EYS: variants seen among roughly 807,000 people sequenced by gnomAD.
EYS encodes EGF-like photoreceptor maintenance factor.
Under a neutral mutation model 282.1 loss-of-function variants are expected in EYS, and 250 were observed. The observed-to-expected ratio is 0.89, with a 90% CI of 0.80 to 0.98. EYS has a LOEUF of 0.98. EYS is among the 50% of genes least tolerant of loss of function. EYS has a pLI of 0.00. For synonymous variants in EYS, 1,355 were observed against 1,282.9 expected, an observed-to-expected ratio of 1.06 and a Z score of -1.20; for missense variants, 4,016 against 3,709.0, an observed-to-expected ratio of 1.08 and a Z score of -2.15.
At chr6:64,595,527 T>C (rs1766558007) in intron 24 of EYS, among the ~76,000 whole-genome samples, 1 of 152,140 alleles carries the variant, frequency 6.6e-6, no homozygotes, top group African/African-American at 2.4e-5. Context: ...TAATCTTATA[T>C]ATAGAAAAAC....
In EYS at chr6:65,703,206, C is replaced by A. The variant is rs570219852; in HGVS notation, c.-448+3929G>T. Among the ~76,000 whole-genome samples, 327 of 152,176 alleles carry A rather than the reference C, an allele frequency of 2.1e-3. 1 individual carries two copies. The highest frequency in any genetic ancestry group is 7.1e-3 in the African/African-American group (293 of 41,512). On this transcript the variant is annotated intron_variant, in intron 1 of 42. Coordinates refer to ENST00000503581, the MANE Select transcript of EYS (RefSeq NM_001142800.2). Reference sequence around the variant, plus strand: ...CTCTGTCTCTCCTCTATCTCTCTCTCTCTATATATATACTGTTACTCTCTC... The same window carrying A: ...CTCTGTCTCTCCTCTATCTCTCTCTATCTATATATATACTGTTACTCTCTC...
chr6:64,686,066 CAA>C (rs2149908747), intron 22 of EYS, among the ~76,000 whole-genome samples: 1 of 148,782 alleles, frequency 6.7e-6, no homozygotes, highest in South Asian at 2.1e-4. Flanking sequence ...ATGAAAAAAA[CAA>C]GAGAAATTAG....
chr6:65,393,288 A>C (rs930715558), intron 7 of EYS, among the ~76,000 whole-genome samples: 2 of 152,168 alleles, frequency 1.3e-5, no homozygotes, highest in African/African-American at 2.4e-5. Context: ...TAACCTGTAC[A>C]TTGTGCACAT....
chr6:64,561,952 A>T (rs1229533391), intron 26 of EYS, among the ~76,000 whole-genome samples: 1 of 150,350 alleles, frequency 6.7e-6, no homozygotes, highest in African/African-American at 2.4e-5. Flanking sequence ...CTCCAATCCT[A>T]AGCAAAAAGA....
intron 29 of EYS, among the ~76,000 whole-genome samples, chr6:64,343,803 C>T (rs984330144): frequency 6.6e-6 from 1 of 152,064 alleles, no homozygotes; most frequent in African/African-American, 2.4e-5. Flanking sequence ...AATTGATAGA[C>T]TGCTAGCCAG....
At chr6:64,910,462 A>G (rs888891248) in intron 16 of EYS, among the ~76,000 whole-genome samples, 3 of 152,072 alleles carry the variant, frequency 2.0e-5, no homozygotes, top group African/African-American at 7.2e-5. Flanking sequence ...ATACTCCACA[A>G]TTAGGTTTAG....
chr6:64,741,300 G>A (rs1222598429), intron 22 of EYS, among the ~76,000 whole-genome samples: 3 of 152,070 alleles, frequency 2.0e-5, no homozygotes, highest in Non-Finnish European at 4.4e-5. Context: ...TTTCTGCTCA[G>A]TAAGTCTGAA....
At chr6:63,935,225 G>A (rs1481574068) in intron 35 of EYS, among the ~76,000 whole-genome samples, 1 of 152,232 alleles carries the variant, frequency 6.6e-6, no homozygotes, top group Non-Finnish European at 1.5e-5. Context: ...GTTCACTGCT[G>A]AATTTCCTGA....
At chr6:63,802,227 T>G (rs1190055956) in intron 37 of EYS, among the ~76,000 whole-genome samples, 1 of 152,178 alleles carries the variant, frequency 6.6e-6, no homozygotes, top group Non-Finnish European at 1.5e-5. Context: ...CATACCTTAG[T>G]CCATACTTGC....
At chr6:64,632,176 A>G (rs1767805579) in intron 22 of EYS, among the ~76,000 whole-genome samples, 1 of 152,104 alleles carries the variant, frequency 6.6e-6, no homozygotes, top group Admixed American at 6.5e-5. Context: ...TCAAGTTAGA[A>G]TAGTTGAAAA....
chr6:64,896,772 C>T (rs915677815), intron 18 of EYS, among the ~76,000 whole-genome samples: 11 of 151,982 alleles, frequency 7.2e-5, no homozygotes, highest in Admixed American at 2.6e-4. Context: ...GAGGGAGGGG[C>T]GTCTGCCATT....
chr6:63,832,279 C>G (rs1449049969), intron 36 of EYS, among the ~76,000 whole-genome samples: 2 of 152,056 alleles, frequency 1.3e-5, no homozygotes, highest in African/African-American at 4.8e-5. Flanking sequence ...AATCCAGGAG[C>G]TGGTTTTTTG....
intron 1 of EYS, among the ~76,000 whole-genome samples, chr6:65,665,704 T>G (rs1299182485): frequency 2.0e-5 from 3 of 152,108 alleles, no homozygotes; most frequent in African/African-American, 7.2e-5. Context: ...TTACCCTTCA[T>G]GATTTGTATG....
chr6:64,180,987 T>A (rs1764772491), intron 31 of EYS, among the ~76,000 whole-genome samples: 1 of 152,156 alleles, frequency 6.6e-6, no homozygotes, highest in Non-Finnish European at 1.5e-5. Context: ...CAGTGTCTAT[T>A]GTTTCCACCT....
intron 22 of EYS, among the ~76,000 whole-genome samples, chr6:64,794,496 T>C (rs1774295051): frequency 6.6e-6 from 1 of 152,156 alleles, no homozygotes; most frequent in South Asian, 2.1e-4. Flanking sequence ...GCCCACCATG[T>C]GAAGATGTGC....
At chr6:65,222,376 A>C (rs1766490019) in intron 12 of EYS, among the ~76,000 whole-genome samples, 1 of 152,148 alleles carries the variant, frequency 6.6e-6, no homozygotes, top group Non-Finnish European at 1.5e-5. Flanking sequence ...AATAAGTCTC[A>C]TGAGAACTGA....
chr6:65,016,874 A>C (rs1252635041), intron 13 of EYS, among the ~76,000 whole-genome samples: 3 of 152,224 alleles, frequency 2.0e-5, no homozygotes, highest in Non-Finnish European at 4.4e-5. Flanking sequence ...ACTAAACAGA[A>C]GATCTAGCTA....
rs9445427 is a variant in EYS at position 64,861,647 on chromosome 6, A to G, written c.2992+25050T>C. 5.9e-3 allele frequency among the ~76,000 whole-genome samples: 893 copies of G among 152,276 alleles called. 10 individuals carry two copies. The highest frequency in any genetic ancestry group is 0.02 in the African/African-American group (818 of 41,578). On this transcript the variant is annotated intron_variant, in intron 19 of 42. Coordinates refer to ENST00000503581, the MANE Select transcript of EYS (RefSeq NM_001142800.2). ...GGGCTTCCACCTGGTCCTAACTCCT[A>G]TCACAAGTCCACTTTTAAATAAATT...
intron 26 of EYS, among the ~76,000 whole-genome samples, chr6:64,565,062 T>C (rs1473692487): frequency 6.6e-6 from 1 of 152,198 alleles, no homozygotes; most frequent in Admixed American, 6.5e-5. Flanking sequence ...GATGTTATCT[T>C]CTTATCAGAT....
Sources: allele counts gnomAD v4.1 joint callset (sites outside exome capture counted in the v4.1 genomes callset), GRCh38; gene constraint gnomAD v4.1.1; transcripts MANE v1.5; gene names NCBI Gene and HGNC (gene_info 2026-07-23, HGNC 2026-07-21).